Variants in TENM3 observed in about 807,000 individuals in gnomAD.
TENM3 encodes the protein teneurin transmembrane protein 3.
Under a neutral mutation model 255.1 loss-of-function variants are expected in TENM3, and 63 were observed. The ratio of observed to expected loss-of-function variants is 0.25; its 90% CI spans 0.20 to 0.30. The LOEUF is 0.30. Ranked by LOEUF, TENM3 falls within the 10% of genes least tolerant of loss-of-function variation. TENM3 has a pLI of 1.00. For missense variants in TENM3, 2,929 were observed against 3,461.1 expected (o/e 0.85, Z 3.86); for synonymous variants, 1,306 against 1,322.3 (o/e 0.99, Z 0.27).
the TENM3 span, among the ~76,000 whole-genome samples, chr4:182,027,203 T>C: frequency 6.6e-6 from 1 of 152,068 alleles, no homozygotes; most frequent in Admixed American, 6.5e-5. Context: ...AAATGGCTAT[T>C]GTAAATGGGA....
At chr4:181,844,342 A>G in the TENM3 span, among the ~76,000 whole-genome samples, 1 of 152,108 alleles carries the variant, frequency 6.6e-6, no homozygotes, top group Non-Finnish European at 1.5e-5. Context: ...GACCTTTATT[A>G]CTGATGATTT....
At chr4:181,823,204 G>A in the TENM3 span, among the ~76,000 whole-genome samples, 1 of 152,208 alleles carries the variant, frequency 6.6e-6, no homozygotes, top group Non-Finnish European at 1.5e-5. Flanking sequence ...TTATTCAACA[G>A]TGATTACTTT....
At chr4:181,507,739 G>C in the TENM3 span, among the ~76,000 whole-genome samples, 1 of 152,296 alleles carries the variant, frequency 6.6e-6, no homozygotes, top group South Asian at 2.1e-4. Flanking sequence ...CAAATCGATT[G>C]TTTTATCAAC....
At chr4:182,469,753 G>A (rs1051060551) in intron 3 of TENM3, among the ~76,000 whole-genome samples, 5 of 151,634 alleles carry the variant, frequency 3.3e-5, no homozygotes, top group African/African-American at 9.7e-5. Flanking sequence ...CAGCTTTCTG[G>A]ATGCTTAACC....
At chr4:181,890,088 G>A in the TENM3 span, among the ~76,000 whole-genome samples, 3 of 152,172 alleles carry the variant, frequency 2.0e-5, no homozygotes, top group African/African-American at 7.2e-5. Flanking sequence ...TAGAGTTTCT[G>A]TCAGGTATGA....
chr4:182,617,546 A>G (rs1177304926), intron 4 of TENM3, among the ~76,000 whole-genome samples: 1 of 152,170 alleles, frequency 6.6e-6, no homozygotes, highest in African/African-American at 2.4e-5. Flanking sequence ...TAAATCCAGA[A>G]AGTTATATTT....
chr4:181,449,307 G>A, the TENM3 span, among the ~76,000 whole-genome samples: 2 of 152,054 alleles, frequency 1.3e-5, no homozygotes, highest in Non-Finnish European at 2.9e-5. Flanking sequence ...GGGTTGAGCC[G>A]ACCTAACTAC....
At chr4:182,653,087 CATA>C (rs1344767897) in intron 5 of TENM3, among the ~76,000 whole-genome samples, 5 of 152,032 alleles carry the variant, frequency 3.3e-5, no homozygotes, top group Non-Finnish European at 5.9e-5. Flanking sequence ...AATTAGTAAA[CATA>C]ATCATAAATT....
chr4:182,643,923 GT>G (rs1752526256), intron 5 of TENM3, among the ~76,000 whole-genome samples: 1 of 152,144 alleles, frequency 6.6e-6, no homozygotes, highest in Admixed American at 6.5e-5. Flanking sequence ...TTTAAAGTCA[GT>G]TTTTCTTATC....
chr4:182,783,568 C>T (rs1481741563), intron 24 of TENM3, among the ~76,000 whole-genome samples: 12 of 148,750 alleles, frequency 8.1e-5, no homozygotes, highest in African/African-American at 2.5e-4. Context: ...ATCTTTGTGG[C>T]GTTCTCTGTA....
intron 3 of TENM3, among the ~76,000 whole-genome samples, chr4:182,571,710 A>C (rs1744393445): frequency 6.6e-6 from 1 of 152,198 alleles, no homozygotes; most frequent in African/African-American, 2.4e-5. Context: ...GAAAATGTAA[A>C]TTTCCACAGA....
intron 3 of TENM3, among the ~76,000 whole-genome samples, chr4:182,444,653 G>A (rs1406450691): frequency 6.6e-6 from 1 of 152,078 alleles, no homozygotes; most frequent in Non-Finnish European, 1.5e-5. Context: ...AGGAGAAATC[G>A]AGGACTATCC....
intron 4 of TENM3, among the ~76,000 whole-genome samples, chr4:182,613,082 T>G (rs1011553489): frequency 6.6e-6 from 1 of 152,200 alleles, no homozygotes; most frequent in African/African-American, 2.4e-5. Context: ...AGAACTTTAG[T>G]GAACAATTCT....
Position 182,743,242 on chromosome 4 carries a change from G to A in TENM3, c.3452G>A (p.Gly1151Asp), listed in dbSNP as rs940469912. The A allele has an allele frequency of 1.2e-6, 2 of 1,613,922 alleles. No homozygotes were observed. Among genetic ancestry groups the A allele is most frequent in the Non-Finnish European group, 1.7e-6 (2 of 1,179,902 alleles). Reference sequence around the variant, plus strand: ...CCTCCAGTCGTGAGTAGCATCATGGGCAATGGGCGAAGGCGCAGCATTTCC... The same window carrying A: ...CCTCCAGTCGTGAGTAGCATCATGGACAATGGGCGAAGGCGCAGCATTTCC... ...QQPPVVSSIMGNGRRRSISCP... is the reference protein window; with the variant it reads ...QQPPVVSSIMDNGRRRSISCP... Residue 1151 changes from glycine to aspartate, a missense_variant, in exon 19 of 28, where the codon GGC becomes GAC. Gly to Asp is a moderately conservative substitution (Grantham distance 94). Around this residue, in one of 6 missense-constraint regions of TENM3, gnomAD observed 1,608 missense variants for 1,884.4 expected, o/e 0.85. Transcript: ENST00000511685.
At chr4:182,246,277 A>T (rs1245887486) in intron 1 of TENM3, among the ~76,000 whole-genome samples, 1 of 152,180 alleles carries the variant, frequency 6.6e-6, no homozygotes, top group Non-Finnish European at 1.5e-5. Context: ...AGAATTTTTT[A>T]AAAAGAAGTC....
chr4:182,780,612 T>A (rs1349787555), intron 24 of TENM3, among the ~76,000 whole-genome samples: 1 of 134,688 alleles, frequency 7.4e-6, no homozygotes, highest in Non-Finnish European at 1.5e-5. Context: ...GGTAGCTTGA[T>A]GGGGATGGCA....
the TENM3 span, among the ~76,000 whole-genome samples, chr4:181,702,549 T>C: frequency 2.8e-4 from 42 of 152,330 alleles, no homozygotes; most frequent in Non-Finnish European, 4.6e-4. Flanking sequence ...TACAGATTTC[T>C]TTTTTGTAAA....
At chr4:182,366,363 AAATAT>A (rs1580312905) in intron 3 of TENM3, among the ~76,000 whole-genome samples, 1 of 151,712 alleles carries the variant, frequency 6.6e-6, no homozygotes, top group East Asian at 1.9e-4. Flanking sequence ...TTATATGTAC[AAATAT>A]AATTATATTT....
intron 1 of TENM3, among the ~76,000 whole-genome samples, chr4:182,220,393 A>G (rs1376472204): frequency 1.3e-5 from 2 of 150,644 alleles, no homozygotes; most frequent in African/African-American, 2.4e-5. Context: ...AAAAAAAAAA[A>G]AAAAAAAAAG....
Sources: allele counts gnomAD v4.1 joint callset (sites outside exome capture counted in the v4.1 genomes callset), GRCh38; gene constraint gnomAD v4.1.1; regional missense constraint gnomAD v4.1.1; transcripts MANE v1.5; gene names NCBI Gene and HGNC (gene_info 2026-07-23, HGNC 2026-07-21).